Variants in PICALM observed in about 807,000 individuals in gnomAD.
PICALM encodes phosphatidylinositol binding clathrin assembly protein, also known as phosphatidylinositol-binding clathrin assembly protein.
A neutral mutation model predicts 80.5 loss-of-function variants in PICALM; 40 were observed. The observed-to-expected ratio is 0.50, with a 90% CI of 0.39 to 0.65. The LOEUF is 0.65. Ranked by LOEUF, PICALM falls within the 30% of genes least tolerant of loss-of-function variation. The pLI is 0.00. For synonymous variants in PICALM, 288 were observed against 260.3 expected (o/e 1.11, Z -1.02); for missense variants, 676 against 778.9 (o/e 0.87, Z 1.57).
At chr11:85,983,688 A>C (rs529406470) in intron 14 of PICALM, among the ~76,000 whole-genome samples, 178 bp downstream of exon 14, 1 of 152,320 alleles carries the variant, frequency 6.6e-6, no homozygotes, top group Admixed American at 6.5e-5. Context: ...GGCACCAATA[A>C]AAGAATAATG....
chr11:85,986,527 A>G (rs566287245), intron 13 of PICALM, among the ~76,000 whole-genome samples: 14 of 151,230 alleles, frequency 9.3e-5, no homozygotes, highest in African/African-American at 3.2e-4. Flanking sequence ...AGTAGCTGGG[A>G]CTACAGGCGC....
rs959257755 is a variant in PICALM at position 86,033,901 on chromosome 11, T to C, written c.131-2290A>G. Among the ~76,000 whole-genome samples the C allele has an allele frequency of 5.3e-5, 8 of 152,272 alleles. No homozygotes were observed. In the East Asian group the frequency reaches 1.5e-3, roughly 29 times the overall value. On this transcript the variant is annotated intron_variant, in intron 1 of 19. Coordinates refer to ENST00000393346, the MANE Select transcript of PICALM (RefSeq NM_007166.4). ...GTCCTTACATTAAGTTAAATCAACA[T>C]CTTACAACTATCTGTACAACCTGCT... is the stretch of plus-strand genomic sequence containing the variant.
rs769899988 is a variant in PICALM at position 85,981,762 on chromosome 11, T to A, written c.1662A>T (p.Gly554=). 5 of 1,612,226 alleles carry A rather than the reference T, an allele frequency of 3.1e-6. No homozygotes were observed. The highest frequency in any genetic ancestry group is 4.2e-6 in the Non-Finnish European group (5 of 1,178,386). The part of the protein sequence containing the change: ...LANLVGNLGI[G]NGTTKNDVNW... ...ACACTCACTTCTTAGTGGTTCCATT[T>A]CCGATGCCAAGATCTAGGAAAGGAG... The change falls in exon 16 of 20, where the codon GGA becomes GGT. Residue 554 remains glycine (G), a synonymous_variant. Transcript: ENST00000393346.
At chr11:86,009,372 G>T (rs576772723) in intron 7 of PICALM, among the ~76,000 whole-genome samples, 5 of 144,372 alleles carry the variant, frequency 3.5e-5, no homozygotes, top group Non-Finnish European at 6.0e-5. Context: ...GTTAACAGCA[G>T]ATCTGGAGTA....
intron 4 of PICALM, among the ~76,000 whole-genome samples, chr11:86,021,920 G>T (rs1593014135): frequency 6.6e-6 from 1 of 152,078 alleles, no homozygotes; most frequent in East Asian, 1.9e-4. Context: ...CTACACAAAG[G>T]TCACATATTG....
intron 19 of PICALM, among the ~76,000 whole-genome samples, chr11:85,973,564 G>A (rs1343571728): frequency 1.3e-5 from 2 of 151,992 alleles, no homozygotes; most frequent in Non-Finnish European, 2.9e-5. Context: ...CTTTATCAGA[G>A]GTATGTATGT....
chr11:85,974,634 T>A (rs1176005224), intron 19 of PICALM, 74 bp downstream of exon 19: 2 of 964,860 alleles, frequency 2.1e-6, no homozygotes, highest in East Asian at 2.4e-5. Flanking sequence ...TCTCAAGTTG[T>A]ACAAAAGGGT....
intron 19 of PICALM, among the ~76,000 whole-genome samples, chr11:85,962,461 A>T (rs2093720767): frequency 6.6e-6 from 1 of 152,164 alleles, no homozygotes; most frequent in South Asian, 2.1e-4. Context: ...TTCTTAAATC[A>T]CGTTTTCACC....
intron 19 of PICALM, among the ~76,000 whole-genome samples, chr11:85,970,893 C>T (rs2094086970): frequency 6.6e-6 from 1 of 152,094 alleles, no homozygotes; most frequent in African/African-American, 2.4e-5. Flanking sequence ...CCAATATTTA[C>T]AAAACGGATT....
rs527936336 is a variant in PICALM at position 85,987,197 on chromosome 11, C to A, written c.1408+3053G>T. Among the ~76,000 whole-genome samples, 701 of 152,236 alleles carry A rather than the reference C, an allele frequency of 4.6e-3. 3 individuals carry two copies. The highest frequency in any genetic ancestry group is 7.7e-3 in the Non-Finnish European group (522 of 68,024). ...CTTTATAAACAGGGTATTATTTAAA[C>A]CTCACATAAACCCTATGACATAGTT... On this transcript the variant is annotated intron_variant, in intron 13 of 19. Coordinates refer to ENST00000393346, the MANE Select transcript of PICALM (RefSeq NM_007166.4).
chr11:86,009,244 G>A (rs1394121911), intron 7 of PICALM, among the ~76,000 whole-genome samples: 1 of 123,338 alleles, frequency 8.1e-6, no homozygotes, highest in Non-Finnish European at 1.6e-5. Flanking sequence ...AGCGAGACGA[G>A]ACCATGCCAT....
At chr11:86,037,382 C>G (rs2095862001) in intron 1 of PICALM, among the ~76,000 whole-genome samples, 1 of 151,232 alleles carries the variant, frequency 6.6e-6, no homozygotes, top group Non-Finnish European at 1.5e-5. Context: ...GCCTCAGCCT[C>G]CCAAGTAGCT....
intron 2 of PICALM, among the ~76,000 whole-genome samples, chr11:86,028,209 A>G (rs1224113325): frequency 6.6e-6 from 1 of 152,184 alleles, no homozygotes; most frequent in Non-Finnish European, 1.5e-5. Context: ...ATGGTATTAA[A>G]TTGAGCACCA....
chr11:86,008,910 T>G (rs1391720113), intron 7 of PICALM, among the ~76,000 whole-genome samples: 2 of 114,618 alleles, frequency 1.7e-5, no homozygotes, highest in Non-Finnish European at 1.6e-5. Flanking sequence ...CTGGGCAATA[T>G]AGTGAGACCC....
chr11:85,972,925 TAA>T (rs2094154850), intron 19 of PICALM, among the ~76,000 whole-genome samples: 1 of 152,158 alleles, frequency 6.6e-6, no homozygotes, highest in Non-Finnish European at 1.5e-5. Context: ...GTTAAACCAG[TAA>T]TGAGATTACT....
In PICALM at chr11:86,022,369, T is replaced by C. The variant is rs767314293; in HGVS notation, c.450A>G (p.Arg150=). The change falls in exon 4 of 20, where the codon AGA becomes AGG. Residue 150 remains arginine (R), a splice_region_variant and synonymous_variant. Transcript: ENST00000393346. ...ATGTCAAAAAAAGCTTAACTCACCC[T>C]CTCTTCACTTTTGTGAAATCAAATG... The part of the protein sequence containing the change: ...QVAFDFTKVK[R]GADGVMRTMN... 2 of 1,539,600 alleles carry C rather than the reference T, an allele frequency of 1.3e-6. No individual in the cohort carries two copies. The highest frequency in any genetic ancestry group is 1.8e-6 in the Non-Finnish European group (2 of 1,129,504).
chr11:86,018,060 C>A (rs1287337382), intron 4 of PICALM, among the ~76,000 whole-genome samples: 3 of 152,092 alleles, frequency 2.0e-5, no homozygotes. Context: ...TTTTAAAAGT[C>A]AGTAAACCAG....
Position 86,000,659 on chromosome 11 carries a change from G to C in PICALM, c.1138C>G (p.Pro380Ala). 6.2e-7 allele frequency: 1 copy of C among 1,611,970 alleles called. No homozygotes were observed. Among genetic ancestry groups the C allele is most frequent in the Non-Finnish European group, 8.5e-7 (1 of 1,179,650 alleles). Residue 380 changes from proline to alanine, a missense_variant, in exon 11 of 20, where the codon CCT (proline) becomes GCT (alanine). By Grantham distance (27) the Pro-to-Ala change is conservative. This residue lies in a region of PICALM where 391 missense variants were observed against 383.6 expected (regional missense o/e 1.02). Transcript: ENST00000393346. The stretch of plus-strand genomic sequence containing the variant: ...TACTCCTACCTGTTAGAAGAACTAG[G>C]GGTAGAAAATATGTCAATGGCTGGT... ...TAPAIDIFST[P>A]SSSNSTSKLP...
intron 7 of PICALM, 112 bp downstream of exon 7, chr11:86,010,918 T>C (rs2095383585): frequency 1.5e-6 from 1 of 649,014 alleles, no homozygotes; most frequent in East Asian, 2.9e-5. Flanking sequence ...TAATAATGAT[T>C]GAATACTAAA....
Sources: gnomAD v4.1 joint callset for allele counts (sites outside exome capture counted in the v4.1 genomes callset) on GRCh38, gnomAD v4.1.1 for gene constraint, gnomAD v4.1.1 regional missense constraint, MANE v1.5 for transcripts, NCBI Gene and HGNC (gene_info 2026-07-23, HGNC 2026-07-21) for gene names.